MPPED1: variants seen among roughly 807,000 people sequenced by gnomAD.
MPPED1 encodes the protein metallophosphoesterase domain containing 1.
In MPPED1, 16 loss-of-function variants were observed where a neutral mutation model predicts 36.2. The ratio of observed to expected loss-of-function variants is 0.44; its 90% CI spans 0.30 to 0.67. MPPED1 has a LOEUF of 0.67. Among genes scored for constraint, MPPED1 ranks in the 30% least tolerant of loss-of-function variants. The pLI is 0.10. For missense variants in MPPED1, 307 were observed against 453.4 expected (o/e 0.68, Z 2.93); for synonymous variants, 199 against 191.3 (o/e 1.04, Z -0.33).
At chr22:43,491,286 T>C (rs377158173) in intron 4 of MPPED1, among the ~76,000 whole-genome samples, 10 of 152,212 alleles carry the variant, frequency 6.6e-5, no homozygotes, top group Admixed American at 6.5e-5. Flanking sequence ...GTGATGGTGG[T>C]GATATTGATA....
At chr22:43,481,810 C>A (rs1931758114) in intron 4 of MPPED1, among the ~76,000 whole-genome samples, 1 of 152,226 alleles carries the variant, frequency 6.6e-6, no homozygotes, top group Admixed American at 6.5e-5. Flanking sequence ...TCCCCTGGAT[C>A]TTGGGCCCTG....
At chr22:43,421,676 A>G (rs1238757239) in intron 1 of MPPED1, among the ~76,000 whole-genome samples, 1 of 152,186 alleles carries the variant, frequency 6.6e-6, no homozygotes, top group African/African-American at 2.4e-5. Context: ...GTCTCCAGAC[A>G]TTCTGTATGT....
chr22:43,421,497 C>G (rs1052650717), intron 1 of MPPED1, among the ~76,000 whole-genome samples: 10 of 152,252 alleles, frequency 6.6e-5, no homozygotes, highest in Non-Finnish European at 1.5e-4. Flanking sequence ...GGGGCAAAGA[C>G]GGGTGGGGGC....
At position 43,482,345 on chromosome 22, in the gene MPPED1, C is replaced by T. The variant is rs542173160; in HGVS notation, c.632+7384C>T. On this transcript the variant is annotated intron_variant, in intron 4 of 6. Transcript: ENST00000443721. ...AACTTTGAGAAGTGGCTGCCGGGCC[C>T]GTTGCTGGGCGTCTGCGCTCGGATC... 1.9e-4 allele frequency among the ~76,000 whole-genome samples: 29 copies of T among 152,254 alleles called. No homozygotes were observed. In the South Asian group the frequency reaches 3.7e-3, roughly 20 times the overall value.
intron 5 of MPPED1, among the ~76,000 whole-genome samples, chr22:43,500,580 A>C (rs1932703832): frequency 6.6e-6 from 1 of 151,854 alleles, no homozygotes; most frequent in Admixed American, 6.6e-5. Context: ...TGGTTCCCTC[A>C]GTCCTCTGAA....
chr22:43,496,058 G>A (rs1932328368), intron 4 of MPPED1, among the ~76,000 whole-genome samples: 1 of 106,300 alleles, frequency 9.4e-6, no homozygotes, highest in African/African-American at 3.7e-5. Context: ...GGTGGTGATG[G>A]TGGAGGTGGT....
chr22:43,412,758 T>C (rs2146805509), intron 1 of MPPED1, among the ~76,000 whole-genome samples: 1 of 152,274 alleles, frequency 6.6e-6, no homozygotes, highest in South Asian at 2.1e-4. Flanking sequence ...GGGGATTCAG[T>C]GGCTACCTAG....
At chr22:43,424,649 A>T (rs1277654392) in intron 1 of MPPED1, among the ~76,000 whole-genome samples, 1 of 151,432 alleles carries the variant, frequency 6.6e-6, no homozygotes, top group Non-Finnish European at 1.5e-5. Context: ...TGAGCCATGC[A>T]TGCATCCGTC....
chr22:43,505,446 C>A, intron 6 of MPPED1, 52 bp from the exon 7 acceptor site: 1 of 1,517,812 alleles, frequency 6.6e-7, no homozygotes, highest in Non-Finnish European at 9.0e-7. Context: ...ACCCCCCTGG[C>A]CACCCTCACT....
Position 43,435,228 on chromosome 22 carries a change from T to A in MPPED1, c.406+13T>A. On this transcript the variant is annotated intron_variant, in intron 3 of 6. Coordinates refer to ENST00000443721, the MANE Select transcript of MPPED1 (RefSeq NM_001044370.2). The stretch of plus-strand genomic sequence containing the variant: ...AACGAGTGGCTGGGTAGGTCCCTCC[T>A]GCCCCGGGCGGGCGGCTGTGCTGAG... The A allele has an allele frequency of 6.3e-7, 1 of 1,599,698 alleles. No individual in the cohort carries two copies. The highest frequency in any genetic ancestry group is 8.5e-7 in the Non-Finnish European group (1 of 1,177,944).
intron 5 of MPPED1, among the ~76,000 whole-genome samples, chr22:43,498,805 C>T (rs1025313073): frequency 6.6e-6 from 1 of 151,922 alleles, no homozygotes; most frequent in Non-Finnish European, 1.5e-5. Context: ...GCCCCCACCC[C>T]ACCACCCAAT....
chr22:43,472,169 T>G lies in MPPED1; in HGVS notation c.407-2567T>G, dbSNP rs1316243538. 3.9e-5 allele frequency among the ~76,000 whole-genome samples: 6 copies of G among 152,308 alleles called. No individual in the cohort carries two copies. The East Asian group carries it at 1.2e-3, about 29-fold the overall frequency. ...AGTTAAATTGTATTTATTTCTTTAT[T>G]TTTAGAAAACAGAAGTAATGAAATG... On this transcript the variant is annotated intron_variant, in intron 3 of 6. Coordinates refer to ENST00000443721, the MANE Select transcript of MPPED1 (RefSeq NM_001044370.2).
At chr22:43,500,304 A>ATGGTGATGGAGG (rs1932668002) in intron 5 of MPPED1, among the ~76,000 whole-genome samples, 2 of 12,344 alleles carry the variant, frequency 1.6e-4, no homozygotes, top group Non-Finnish European at 3.6e-4. Context: ...GGTGGTGGTG[A>ATGGTGATGGAGG]TGGTGATGGA....
At position 43,506,197 on chromosome 22, in the gene MPPED1, T is replaced by G. The variant is rs1932809095; in HGVS notation, c.*581T>G. 6.5e-6 allele frequency: 1 copy of G among 152,732 alleles called. No individual in the cohort carries two copies. Among genetic ancestry groups the G allele is most frequent in the Admixed American group, 6.5e-5 (1 of 15,288 alleles). 9.5% of individuals were successfully genotyped at this position (152,732 alleles called of 1,614,324 possible). The stretch of plus-strand genomic sequence containing the variant: ...CAGGCCCACAGCTGTTTGCCTGGCA[T>G]TGTTCCCCCCTTTTTCTTCCCATAG... On this transcript the variant is annotated 3_prime_UTR_variant, in exon 7 of 7. Transcript: ENST00000443721.
chr22:43,442,965 G>T (rs1930203473), intron 3 of MPPED1, among the ~76,000 whole-genome samples: 1 of 152,196 alleles, frequency 6.6e-6, no homozygotes, highest in Non-Finnish European at 1.5e-5. Flanking sequence ...AGCGTGAGGG[G>T]CTACTGTGTT....
At position 43,506,005 on chromosome 22, in the gene MPPED1, G is replaced by A. The variant is rs538392547; in HGVS notation, c.*389G>A. ...TTACACAAAATCTCCCTCTAACCAC[G>A]GGTCTGTGTGGCGGCATGCCCCTGG... On this transcript the variant is annotated 3_prime_UTR_variant, in exon 7 of 7. Coordinates refer to ENST00000443721, the MANE Select transcript of MPPED1 (RefSeq NM_001044370.2). 98 of 177,356 alleles carry A rather than the reference G, an allele frequency of 5.5e-4. 1 individual carries two copies. The highest frequency in any genetic ancestry group is 1.7e-3 in the African/African-American group (71 of 42,306). 11.0% of individuals were successfully genotyped at this position (177,356 alleles called of 1,614,324 possible).
rs547065810 is a variant in MPPED1, at chr22:43,441,965, G to A, written c.406+6750G>A. Among the ~76,000 whole-genome samples, 3 of 152,306 alleles carry A rather than the reference G, an allele frequency of 2.0e-5. No individual in the cohort carries two copies. The South Asian group carries it at 6.2e-4, about 32-fold the overall frequency. On this transcript the variant is annotated intron_variant, in intron 3 of 6. Coordinates refer to ENST00000443721, the MANE Select transcript of MPPED1 (RefSeq NM_001044370.2). Reference sequence around the variant, plus strand: ...CCTTCTCTGTTCAAGGTTCCAAGTGGAGGTCGGGGGCTTCAGAAAGGAGCA... The same window carrying A: ...CCTTCTCTGTTCAAGGTTCCAAGTGAAGGTCGGGGGCTTCAGAAAGGAGCA...
At chr22:43,501,554 G>A (rs1000635003) in intron 5 of MPPED1, among the ~76,000 whole-genome samples, 2 of 152,160 alleles carry the variant, frequency 1.3e-5, no homozygotes, top group Admixed American at 6.5e-5. Context: ...CATCATCTCC[G>A]GACTGTGTGC....
chr22:43,444,898 C>T (rs751906920), intron 3 of MPPED1, among the ~76,000 whole-genome samples: 6 of 151,816 alleles, frequency 4.0e-5, no homozygotes, highest in Non-Finnish European at 7.4e-5. Context: ...ATAAAAATGA[C>T]AAAAATAGTA....
Sources: gnomAD v4.1 joint callset for allele counts (sites outside exome capture counted in the v4.1 genomes callset) on GRCh38, gnomAD v4.1.1 for gene constraint, MANE v1.5 for transcripts, NCBI Gene and HGNC (gene_info 2026-07-23, HGNC 2026-07-21) for gene names.